CACNA1E: variants seen among roughly 807,000 people sequenced by gnomAD.
CACNA1E encodes calcium voltage-gated channel subunit alpha1 E, also known as voltage-dependent R-type calcium channel subunit alpha-1E.
CACNA1E carries 40 observed loss-of-function variants against 259.2 expected under a neutral mutation model. The ratio of observed to expected loss-of-function variants is 0.15; its 90% CI spans 0.12 to 0.20. The LOEUF (loss-of-function observed/expected upper bound fraction) is 0.20, where lower values mean the gene tolerates loss of function less well. Ranked by LOEUF, CACNA1E falls within the 10% of genes least tolerant of loss-of-function variation. The probability of loss-of-function intolerance (pLI) is 1.00; values close to 1 mark genes in which losing one functional copy is unlikely to be tolerated. For synonymous variants in CACNA1E, 1,104 were observed against 1,138.5 expected (o/e 0.97, Z 0.61); for missense variants, 1,874 against 3,040.1 (o/e 0.62, Z 9.02).
chr1:181,783,377 C>T (rs1201466622), intron 39 of CACNA1E, among the ~76,000 whole-genome samples: 2 of 152,166 alleles, frequency 1.3e-5, no homozygotes, highest in Admixed American at 6.5e-5. Flanking sequence ...CTAACAAAGA[C>T]ATTCTTAGGA....
At chr1:181,672,743 A>G (rs1009047106) in intron 7 of CACNA1E, among the ~76,000 whole-genome samples, 9 of 152,246 alleles carry the variant, frequency 5.9e-5, no homozygotes, top group Admixed American at 3.3e-4. Flanking sequence ...AGACAATGCA[A>G]ACATTTTCCC....
At chr1:181,498,271 A>G (rs1016632311) in intron 1 of CACNA1E, among the ~76,000 whole-genome samples, 2 of 152,204 alleles carry the variant, frequency 1.3e-5, no homozygotes, top group African/African-American at 2.4e-5. Flanking sequence ...GATAAAGACT[A>G]TAGAAGAGGC....
intron 7 of CACNA1E, among the ~76,000 whole-genome samples, chr1:181,704,362 AACC>A (rs1652580511): frequency 6.6e-6 from 1 of 152,172 alleles, no homozygotes; most frequent in African/African-American, 2.4e-5. Context: ...ACTGAAATGA[AACC>A]ACTGCCAACA....
chr1:181,721,537 G>A (rs1033948358), intron 15 of CACNA1E, among the ~76,000 whole-genome samples: 1 of 152,008 alleles, frequency 6.6e-6, no homozygotes, highest in African/African-American at 2.4e-5. Flanking sequence ...CTTTCCCTTT[G>A]ATGCTCTCCT....
At position 181,511,529 on chromosome 1, in the gene CACNA1E, T is replaced by G; in HGVS notation, c.512+19T>G. 1.2e-6 allele frequency: 2 copies of G among 1,612,460 alleles called. No homozygotes were observed. Among genetic ancestry groups the G allele is most frequent in the Non-Finnish European group, 1.7e-6 (2 of 1,179,196 alleles). ...TCAGTGGGTAAGTCCATTTTCTCTC[T>G]CTGTCTGTGTGTGTGTATGAAGGGG... is the stretch of plus-strand genomic sequence containing the variant. On this transcript the variant is annotated intron_variant, in intron 3 of 47. Transcript: ENST00000367573.
chr1:181,579,016 C>T, intron 4 of CACNA1E, 56 bp from the exon 5 acceptor site: 3 of 1,443,848 alleles, frequency 2.1e-6, no homozygotes, highest in Non-Finnish European at 2.8e-6. Flanking sequence ...TAATCCTCCC[C>T]TATCAGATGG....
chr1:181,586,491 G>A (rs1170951834), intron 6 of CACNA1E, among the ~76,000 whole-genome samples: 1 of 152,144 alleles, frequency 6.6e-6, no homozygotes, highest in African/African-American at 2.4e-5. Flanking sequence ...ACGGTTATCA[G>A]CAAAGAAGAC....
chr1:181,656,029 G>A (rs61813176), intron 7 of CACNA1E, among the ~76,000 whole-genome samples: 1 of 151,894 alleles, frequency 6.6e-6, no homozygotes, highest in Non-Finnish European at 1.5e-5. Context: ...TGGTGACGCT[G>A]GTGTAAAAAA....
intron 3 of CACNA1E, among the ~76,000 whole-genome samples, chr1:181,561,901 C>A (rs1393976661): frequency 6.6e-6 from 1 of 152,084 alleles, no homozygotes; most frequent in Non-Finnish European, 1.5e-5. Context: ...TATTATCAGG[C>A]TTTTTATTGT....
intron 3 of CACNA1E, among the ~76,000 whole-genome samples, chr1:181,527,028 A>G (rs889778727): frequency 2.0e-5 from 3 of 152,184 alleles, no homozygotes; most frequent in African/African-American, 7.2e-5. Context: ...TTGTCCTTGT[A>G]TTTTCAATCT....
At chr1:181,790,684 G>A in intron 44 of CACNA1E, 128 bp downstream of exon 44, 1 of 681,430 alleles carries the variant, frequency 1.5e-6, no homozygotes, top group Non-Finnish European at 2.7e-6. Flanking sequence ...TGCCCTGGAG[G>A]TGTCCTGCCT....
chr1:181,337,802 A>G (rs1294784957), intron 1 of CACNA1E, among the ~76,000 whole-genome samples: 3 of 152,256 alleles, frequency 2.0e-5, no homozygotes, highest in Non-Finnish European at 4.4e-5. Flanking sequence ...ACTATTGTGC[A>G]TAATGCTACA....
At chr1:181,722,789 T>A (rs1026255722) in intron 16 of CACNA1E, among the ~76,000 whole-genome samples, 2 of 152,304 alleles carry the variant, frequency 1.3e-5, no homozygotes, top group South Asian at 4.1e-4. Context: ...GCATTTTCCA[T>A]AGTTTCATAG....
At chr1:181,573,039 G>A (rs1482628291) in intron 3 of CACNA1E, among the ~76,000 whole-genome samples, 1 of 152,262 alleles carries the variant, frequency 6.6e-6, no homozygotes. Flanking sequence ...GGCAGGGTGG[G>A]GAAAGGACTG....
intron 1 of CACNA1E, among the ~76,000 whole-genome samples, chr1:181,495,256 A>G (rs564968327): frequency 1.3e-5 from 2 of 151,530 alleles, no homozygotes; most frequent in African/African-American, 4.8e-5. Flanking sequence ...CAGTCTCTGC[A>G]TGGAAGCTTT....
intron 1 of CACNA1E, among the ~76,000 whole-genome samples, chr1:181,498,830 T>G (rs1207053492): frequency 6.6e-6 from 1 of 152,194 alleles, no homozygotes; most frequent in East Asian, 1.9e-4. Flanking sequence ...TCAACCATCT[T>G]CTCTCTAGTC....
intron 2 of CACNA1E, among the ~76,000 whole-genome samples, chr1:181,467,031 G>A (rs76884368): frequency 0.013 from 2,049 of 152,306 alleles, 61 homozygotes; most frequent in African/African-American, 0.044. Context: ...GCATTAATGG[G>A]CAATTACTTT....
At chr1:181,717,933 T>C (rs139368839) in intron 11 of CACNA1E, 122 bp from the exon 12 acceptor site, 10 of 618,490 alleles carry the variant, frequency 1.6e-5, no homozygotes, top group South Asian at 1.4e-4. Context: ...CCTGGCCTGA[T>C]GTGGCCACCG....
intron 2 of CACNA1E, among the ~76,000 whole-genome samples, chr1:181,454,157 A>T (rs1478512687): frequency 6.6e-6 from 1 of 152,158 alleles, no homozygotes; most frequent in African/African-American, 2.4e-5. Context: ...TCATGGTGGG[A>T]TCAAGGACCA....
Sources: allele counts gnomAD v4.1 joint callset (sites outside exome capture counted in the v4.1 genomes callset), GRCh38; gene constraint gnomAD v4.1.1; transcripts MANE v1.5; gene names NCBI Gene and HGNC (gene_info 2026-07-23, HGNC 2026-07-21).